DNAH3: variants seen among roughly 807,000 people sequenced by gnomAD.
The protein encoded by DNAH3 is axonemal beta dynein heavy chain 3.
DNAH3 carries 332 observed loss-of-function variants against 432.5 expected under a neutral mutation model. The observed-to-expected ratio is 0.77, with a 90% CI of 0.70 to 0.84. The LOEUF is 0.84. Ranked by LOEUF, DNAH3 falls within the 40% of genes least tolerant of loss-of-function variation. The probability of loss-of-function intolerance (pLI) is 0.00; values close to 1 mark genes in which losing one functional copy is unlikely to be tolerated. For missense variants in DNAH3, 4,861 were observed against 5,114.0 expected (o/e 0.95, Z 1.51); for synonymous variants, 1,956 against 1,900.2 (o/e 1.03, Z -0.76).
chr16:21,011,163 C>T (rs1026567572), intron 41 of DNAH3, among the ~76,000 whole-genome samples: 2 of 152,026 alleles, frequency 1.3e-5, no homozygotes, highest in African/African-American at 4.8e-5. Flanking sequence ...AAAGAGGTCA[C>T]CACAAAGTGA....
intron 48 of DNAH3, among the ~76,000 whole-genome samples, chr16:20,984,742 G>T (rs982383031): frequency 6.6e-6 from 1 of 152,082 alleles, no homozygotes; most frequent in African/African-American, 2.4e-5. Flanking sequence ...GTACGCGCCT[G>T]CAATCACAGC....
intron 16 of DNAH3, among the ~76,000 whole-genome samples, chr16:21,101,434 T>G (rs1021711886): frequency 6.6e-6 from 1 of 152,214 alleles, no homozygotes; most frequent in Non-Finnish European, 1.5e-5. Context: ...CCCAATATAT[T>G]ATATTCCATA....
chr16:20,982,098 T>C (rs1356853036), intron 49 of DNAH3, among the ~76,000 whole-genome samples: 1 of 151,450 alleles, frequency 6.6e-6, no homozygotes, highest in Non-Finnish European at 1.5e-5. Flanking sequence ...TAGGAACTAA[T>C]TTTTGCCAGG....
At chr16:21,136,797 A>T (rs1354797694) in intron 5 of DNAH3, among the ~76,000 whole-genome samples, 1 of 152,054 alleles carries the variant, frequency 6.6e-6, no homozygotes, top group East Asian at 1.9e-4. Flanking sequence ...TGGAGTGAGT[A>T]CAGAGTCCAG....
At chr16:21,000,475 G>C in exon 43 of DNAH3, 1 of 1,613,564 alleles carries the variant, frequency 6.2e-7, no homozygotes, top group Non-Finnish European at 8.5e-7. Context: ...CAAGAAGAAG[G>C]ACTGCCGGGC....
chr16:20,940,574 T>C (rs922223829), intron 59 of DNAH3, among the ~76,000 whole-genome samples: 1 of 149,150 alleles, frequency 6.7e-6, no homozygotes, highest in African/African-American at 2.5e-5. Flanking sequence ...ACTGTAGACG[T>C]GCACCACCAT....
At chr16:21,000,275 G>T (rs761665595) in exon 43 of DNAH3, 2 of 1,614,102 alleles carry the variant, frequency 1.2e-6, no homozygotes, top group South Asian at 2.2e-5. Context: ...AGGCCCTTCC[G>T]TCGTCGATCC....
intron 41 of DNAH3, among the ~76,000 whole-genome samples, chr16:21,013,519 G>A (rs1211340981): frequency 2.6e-5 from 4 of 152,062 alleles, no homozygotes; most frequent in Non-Finnish European, 4.4e-5. Flanking sequence ...TCAGGAGTTT[G>A]AGACTAGCCT....
At chr16:20,977,301 C>A (rs1238653225) in intron 50 of DNAH3, among the ~76,000 whole-genome samples, 1 of 152,106 alleles carries the variant, frequency 6.6e-6, no homozygotes, top group South Asian at 2.1e-4. Context: ...TGCTTGAATG[C>A]GGGAGGTGGA....
intron 41 of DNAH3, among the ~76,000 whole-genome samples, chr16:21,005,153 TTTC>T (rs997349721): frequency 1.7e-4 from 25 of 143,522 alleles, no homozygotes; most frequent in Non-Finnish European, 2.3e-4. Context: ...CTCTCGTCTC[TTTC>T]TTTTCTTTCT....
intron 49 of DNAH3, among the ~76,000 whole-genome samples, chr16:20,980,230 T>A (rs375872293): frequency 2.2e-5 from 3 of 136,102 alleles, no homozygotes; most frequent in East Asian, 2.0e-4. Flanking sequence ...TATTATTTAT[T>A]TATATTATAT....
At chr16:21,095,303 T>C (rs2152788803) in intron 18 of DNAH3, among the ~76,000 whole-genome samples, 1 of 152,188 alleles carries the variant, frequency 6.6e-6, no homozygotes, top group African/African-American at 2.4e-5. Context: ...AGTCTGAGAG[T>C]GAAAACAGTG....
chr16:21,010,259 A>C (rs1293281646), intron 41 of DNAH3, among the ~76,000 whole-genome samples: 1 of 152,086 alleles, frequency 6.6e-6, no homozygotes, highest in Non-Finnish European at 1.5e-5. Flanking sequence ...TGGGTGTGAG[A>C]GTAGAAAGAG....
Position 21,001,640 on chromosome 16 carries a change from G to A in DNAH3, c.6127-1122C>T, listed in dbSNP as rs1036890610. On this transcript the variant is annotated intron_variant, in intron 42 of 61. Coordinates refer to ENST00000261383, the Ensembl canonical transcript of DNAH3. ...AGAGAAGTAACAGGTGCTTAAGTATGGGTGTTTTGCCTGTATTACCCCCTA... is the reference window on the plus strand; with the variant it reads ...AGAGAAGTAACAGGTGCTTAAGTATAGGTGTTTTGCCTGTATTACCCCCTA... Among the ~76,000 whole-genome samples the A allele has an allele frequency of 3.3e-5, 5 of 152,148 alleles. No individual in the cohort carries two copies. The East Asian group carries it at 9.6e-4, about 29-fold the overall frequency.
At chr16:21,044,343 T>C (rs1370344435) in intron 31 of DNAH3, among the ~76,000 whole-genome samples, 1 of 151,694 alleles carries the variant, frequency 6.6e-6, no homozygotes, top group East Asian at 1.9e-4. Context: ...TCCTCTTTTA[T>C]TTTGTTGAGC....
chr16:21,003,617 GA>G (rs1214412402), intron 41 of DNAH3, among the ~76,000 whole-genome samples: 1 of 151,234 alleles, frequency 6.6e-6, no homozygotes, highest in Admixed American at 6.6e-5. Flanking sequence ...TACTAAAAAT[GA>G]AAAAAAATTT....
At chr16:20,978,781 C>A (rs186073207) in intron 50 of DNAH3, among the ~76,000 whole-genome samples, 4 of 152,216 alleles carry the variant, frequency 2.6e-5, no homozygotes, top group Admixed American at 6.5e-5. Context: ...TTGGCCTCAA[C>A]TGATCCTCCC....
intron 57 of DNAH3, among the ~76,000 whole-genome samples, chr16:20,947,443 G>T (rs1049194357): frequency 1.3e-5 from 2 of 152,192 alleles, no homozygotes; most frequent in Non-Finnish European, 2.9e-5. Context: ...ATTAAAGGGG[G>T]AGTGGTGAGA....
At chr16:21,158,081 G>A (rs1374165292) in intron 1 of DNAH3, among the ~76,000 whole-genome samples, 1 of 152,168 alleles carries the variant, frequency 6.6e-6, no homozygotes, top group African/African-American at 2.4e-5. Context: ...AGGGGAAACA[G>A]GGGCTCCTGC....
Sources: allele counts gnomAD v4.1 joint callset (sites outside exome capture counted in the v4.1 genomes callset), GRCh38; gene constraint gnomAD v4.1.1; transcripts MANE v1.5; gene names NCBI Gene and HGNC (gene_info 2026-07-23, HGNC 2026-07-21).